The following CCDC82 variants were observed in gnomAD, a reference collection of about 807,000 sequenced individuals.
CCDC82 encodes the protein coiled-coil domain-containing protein 82.
In CCDC82, 47 loss-of-function variants were observed where a neutral mutation model predicts 60.6. The ratio of observed to expected loss-of-function variants is 0.77; its 90% CI spans 0.61 to 0.99. CCDC82 has a LOEUF of 0.99. Among genes scored for constraint, CCDC82 ranks in the 50% least tolerant of loss-of-function variants. The pLI is 0.00. For missense variants in CCDC82, 588 were observed against 633.0 expected, an observed-to-expected ratio of 0.93 and a Z score of 0.76; for synonymous variants, 212 against 207.4, an observed-to-expected ratio of 1.02 and a Z score of -0.19.
At chr11:96,361,500 T>C (rs1053192671) in intron 8 of CCDC82, among the ~76,000 whole-genome samples, 10 of 152,322 alleles carry the variant, frequency 6.6e-5, no homozygotes, top group East Asian at 1.9e-4. Context: ...TTGTATTTTT[T>C]CCCAAAATAT....
chr11:96,359,496 T>G (rs998637601), intron 8 of CCDC82, among the ~76,000 whole-genome samples: 2 of 151,882 alleles, frequency 1.3e-5, no homozygotes, highest in Non-Finnish European at 2.9e-5. Flanking sequence ...AAAATGCTAG[T>G]GAAGAGGGGC....
intron 8 of CCDC82, among the ~76,000 whole-genome samples, chr11:96,362,155 A>G (rs1186737374): frequency 1.3e-5 from 2 of 152,240 alleles, no homozygotes; most frequent in Non-Finnish European, 2.9e-5. Flanking sequence ...TTAAATCTAG[A>G]TAACAAACTG....
At chr11:96,372,742 A>G (rs1435261953) in intron 6 of CCDC82, among the ~76,000 whole-genome samples, 1 of 146,244 alleles carries the variant, frequency 6.8e-6, no homozygotes, top group Admixed American at 6.9e-5. Flanking sequence ...ATATATAAAT[A>G]TACGTATATT....
chr11:96,389,801 G>C (rs1389474849), intron 1 of CCDC82, 43 bp downstream of exon 1: 1 of 152,380 alleles, frequency 6.6e-6, no homozygotes, highest in African/African-American at 2.4e-5. Flanking sequence ...GCGCGAGCGA[G>C]TCCCAGCCGG....
chr11:96,374,239 T>G (rs1591196310), intron 5 of CCDC82, among the ~76,000 whole-genome samples: 1 of 152,330 alleles, frequency 6.6e-6, no homozygotes, highest in East Asian at 1.9e-4. Context: ...AAGGGCAGAC[T>G]GAGTATTTCG....
Position 96,359,066 on chromosome 11 carries a change from ACTT to A in CCDC82, c.1490_1492del (p.Glu497del), listed in dbSNP as rs757480824. 4 of 1,606,740 alleles carry A rather than the reference ACTT, an allele frequency of 2.5e-6. No homozygotes were observed. In the Admixed American group the frequency reaches 5.2e-5, roughly 21 times the overall value. On this transcript the variant is annotated inframe_deletion, in exon 9 of 10. Transcript: ENST00000646818. ...TGTTTCTTTAACTTGTTCATCTTCA[ACTT>A]CTTCTGTCATTGCAATGGTGCAACA...
At chr11:96,369,774 A>G (rs1386440540) in intron 7 of CCDC82, among the ~76,000 whole-genome samples, 1 of 152,250 alleles carries the variant, frequency 6.6e-6, no homozygotes, top group African/African-American at 2.4e-5. Context: ...GACTTGCTCC[A>G]TGCAGTTGCC....
intron 2 of CCDC82, chr11:96,386,950 C>G (rs1349942768): frequency 6.6e-6 from 1 of 152,194 alleles, no homozygotes; most frequent in African/African-American, 2.4e-5. Flanking sequence ...TTTTAAGCAG[C>G]TTACTGTTTC....
At chr11:96,387,207 T>C (rs1198257086) in intron 2 of CCDC82, 1 of 152,146 alleles carries the variant, frequency 6.6e-6, no homozygotes, top group Non-Finnish European at 1.5e-5. Context: ...ATATGGACAG[T>C]AAAGAACATT....
intron 9 of CCDC82, chr11:96,356,099 TA>T (rs1191043627): frequency 1.3e-5 from 2 of 152,188 alleles, no homozygotes; most frequent in African/African-American, 4.8e-5. Context: ...TCATCAATGC[TA>T]AAAATATTGG....
At chr11:96,363,422 T>C (rs987278741) in intron 8 of CCDC82, 2 of 152,228 alleles carry the variant, frequency 1.3e-5, no homozygotes, top group African/African-American at 2.4e-5. Context: ...AATTTCTCTT[T>C]AAAAAATTTA....
In CCDC82 at chr11:96,358,358, C is replaced by T. The variant is rs575374821; in HGVS notation, c.1566+635G>A. ...CAGACCAGAGCTTGTAAGCTGCCAG[C>T]AGATCTTCGGGAATCCAGTGCACTC... On this transcript the variant is annotated intron_variant, in intron 9 of 9. Coordinates refer to ENST00000646818, the MANE Select transcript of CCDC82 (RefSeq NM_024725.4). 5.8e-5 allele frequency: 71 copies of T among 1,215,676 alleles called. No individual in the cohort carries two copies. In the South Asian group the frequency reaches 2.7e-3, roughly 46 times the overall value. 75.3% of individuals were successfully genotyped at this position (1,215,676 alleles called of 1,614,324 possible).
At chr11:96,377,501 A>C (rs1044983817) in intron 5 of CCDC82, among the ~76,000 whole-genome samples, 3 of 152,068 alleles carry the variant, frequency 2.0e-5, no homozygotes, top group African/African-American at 7.2e-5. Context: ...CATGTTCCTC[A>C]TTTTAAGTAT....
Position 96,384,500 on chromosome 11 carries a change from C to A in CCDC82, c.248G>T (p.Arg83Ile). ...TTGAATTTTACTTAAGTTGAGCTCT[C>A]TTTCACTTCCTGGTGTTTTATTACA... is the stretch of plus-strand genomic sequence containing the variant. ...PDCNKTPGSE[R>I]ELNLSKIQSE... Residue 83 changes from arginine (R) to isoleucine (I), a missense_variant, in exon 4 of 10, where the codon AGA (arginine) becomes ATA (isoleucine). Arg to Ile is a moderately conservative substitution (Grantham distance 97). Transcript: ENST00000646818. 6.2e-7 allele frequency: 1 copy of A among 1,613,784 alleles called. No homozygotes were observed.
intron 3 of CCDC82, chr11:96,385,508 A>AGTG: frequency 6.6e-6 from 1 of 152,554 alleles, no homozygotes. Flanking sequence ...TGACATAAAG[A>AGTG]AGACAGCAGT....
intron 5 of CCDC82, 30 bp downstream of exon 5, chr11:96,383,239 C>A: frequency 8.3e-7 from 1 of 1,209,364 alleles, no homozygotes; most frequent in Non-Finnish European, 1.2e-6. Flanking sequence ...GAGAACAATT[C>A]ATGAAACATT....
intron 5 of CCDC82, among the ~76,000 whole-genome samples, chr11:96,377,982 A>G (rs1565316931): frequency 6.6e-6 from 1 of 152,180 alleles, no homozygotes; most frequent in East Asian, 1.9e-4. Context: ...TTTCTTTTAC[A>G]TATCTAAAGT....
At chr11:96,356,629 A>G (rs958962440) in intron 9 of CCDC82, 6 of 963,020 alleles carry the variant, frequency 6.2e-6, no homozygotes, top group Non-Finnish European at 7.4e-6. Context: ...CTTCTTTAGA[A>G]TAAGACATGC....
intron 5 of CCDC82, chr11:96,382,437 T>A (rs1865925019): frequency 6.6e-6 from 1 of 151,782 alleles, no homozygotes; most frequent in Non-Finnish European, 1.5e-5. Flanking sequence ...TTGGTGGTGA[T>A]ATTAATGAAT....
Sources: gnomAD v4.1 joint callset for allele counts (sites outside exome capture counted in the v4.1 genomes callset) on GRCh38, gnomAD v4.1.1 for gene constraint, MANE v1.5 for transcripts, NCBI Gene and HGNC (gene_info 2026-07-23, HGNC 2026-07-21) for gene names.